The following UBE2H variants were observed in gnomAD, a reference collection of about 807,000 sequenced individuals.
UBE2H encodes the protein ubiquitin-conjugating enzyme E2 H.
A neutral mutation model predicts 29.0 loss-of-function variants in UBE2H; 3 were observed. That is an observed-to-expected ratio of 0.10 (90% CI 0.05 to 0.27). The LOEUF is 0.27. Ranked by LOEUF, UBE2H falls within the 10% of genes least tolerant of loss-of-function variation. The pLI, the probability that UBE2H is intolerant of heterozygous loss-of-function variation, is 1.00. For synonymous variants in UBE2H, 69 were observed against 82.9 expected, an observed-to-expected ratio of 0.83 and a Z score of 0.91; for missense variants, 68 against 228.2, an observed-to-expected ratio of 0.30 and a Z score of 4.52.
At chr7:129,942,542 A>C (rs1807669177) in intron 1 of UBE2H, among the ~76,000 whole-genome samples, 1 of 152,156 alleles carries the variant, frequency 6.6e-6, no homozygotes, top group Non-Finnish European at 1.5e-5. Flanking sequence ...CCTAACTCTT[A>C]TAGTCTGTTT....
chr7:129,935,315 A>C (rs1014280532), intron 1 of UBE2H, among the ~76,000 whole-genome samples: 13 of 150,452 alleles, frequency 8.6e-5, no homozygotes, highest in African/African-American at 3.2e-4. Context: ...CAGGAGGCTG[A>C]GGCAGGAGAA....
At chr7:129,949,278 C>T (rs1807828199) in intron 1 of UBE2H, among the ~76,000 whole-genome samples, 1 of 152,204 alleles carries the variant, frequency 6.6e-6, no homozygotes, top group South Asian at 2.1e-4. Context: ...AGCTCTCAGA[C>T]AATCTAAATA....
chr7:129,836,988 G>C (rs919613439), intron 6 of UBE2H, among the ~76,000 whole-genome samples: 2 of 151,414 alleles, frequency 1.3e-5, no homozygotes, highest in African/African-American at 4.9e-5. Context: ...ACCCAGCAAA[G>C]GGTTTTGAGC....
chr7:129,903,943 T>C (rs1382447089), intron 1 of UBE2H, among the ~76,000 whole-genome samples: 1 of 152,218 alleles, frequency 6.6e-6, no homozygotes, highest in Non-Finnish European at 1.5e-5. Flanking sequence ...TCAATCGTTA[T>C]TTTTTGAGTA....
chr7:129,897,992 T>C (rs965077707), intron 1 of UBE2H, among the ~76,000 whole-genome samples: 12 of 152,090 alleles, frequency 7.9e-5, no homozygotes, highest in African/African-American at 1.4e-4. Context: ...TAAAAAACTT[T>C]CAACAAAAAC....
In UBE2H at chr7:129,844,382, C is replaced by A. The variant is rs145192712; in HGVS notation, c.299-5047G>T. ...AAAGTCTTCTTTCAAGATAAATACA[C>A]TGGCAGAGAAGACTAAAACTATAAA... On this transcript the variant is annotated intron_variant, in intron 5 of 6. Transcript: ENST00000355621. Among the ~76,000 whole-genome samples, 1,323 of 152,314 alleles carry A rather than the reference C, an allele frequency of 8.7e-3. 11 individuals are homozygous for A. Among genetic ancestry groups the A allele is most frequent in the Non-Finnish European group, 0.014 (981 of 68,034 alleles).
intron 1 of UBE2H, among the ~76,000 whole-genome samples, chr7:129,890,991 C>T (rs1194175112): frequency 6.6e-6 from 1 of 151,656 alleles, no homozygotes; most frequent in East Asian, 2.0e-4. Flanking sequence ...AACAAATTAG[C>T]TGGGCGTGGT....
intron 6 of UBE2H, among the ~76,000 whole-genome samples, chr7:129,837,859 G>A (rs535998701): frequency 1.6e-4 from 25 of 152,168 alleles, no homozygotes; most frequent in Non-Finnish European, 2.6e-4. Flanking sequence ...CTAGGGGTCC[G>A]TACGCTGGAG....
At chr7:129,884,648 A>T (rs942940077) in intron 1 of UBE2H, among the ~76,000 whole-genome samples, 1 of 149,202 alleles carries the variant, frequency 6.7e-6, no homozygotes, top group South Asian at 2.1e-4. Context: ...GCTACAGTGC[A>T]GTAGCATGAT....
chr7:129,895,696 C>G (rs1278499722), intron 1 of UBE2H, among the ~76,000 whole-genome samples: 1 of 151,930 alleles, frequency 6.6e-6, no homozygotes, highest in African/African-American at 2.4e-5. Flanking sequence ...GTCAGGAGAT[C>G]GAGACCATCC....
rs1204642598 is a variant in UBE2H at position 129,834,772 on chromosome 7, A to C, written c.*165T>G. On this transcript the variant is annotated 3_prime_UTR_variant, in exon 7 of 7. Transcript: ENST00000355621. ...ACCTCAGGTTGAGAAATGACCAAGA[A>C]ATCAAGATCTAAAGGGTGATATATA... The C allele has an allele frequency of 1.2e-6, 1 of 828,714 alleles. No homozygotes were observed. 51.3% of individuals were successfully genotyped at this position (828,714 alleles called of 1,614,324 possible).
chr7:129,845,746 TA>T (rs1350189560), intron 5 of UBE2H, among the ~76,000 whole-genome samples: 1 of 152,242 alleles, frequency 6.6e-6, no homozygotes, highest in African/African-American at 2.4e-5. Context: ...ATGAAAAATC[TA>T]AAAGACCACA....
intron 3 of UBE2H, among the ~76,000 whole-genome samples, chr7:129,860,324 A>C (rs1005955998): frequency 6.6e-6 from 1 of 152,230 alleles, no homozygotes; most frequent in African/African-American, 2.4e-5. Flanking sequence ...GTGATGTTTA[A>C]GTTACTCTGA....
intron 1 of UBE2H, among the ~76,000 whole-genome samples, chr7:129,950,616 C>G (rs1403919343): frequency 6.6e-6 from 1 of 152,194 alleles, no homozygotes. Flanking sequence ...TGACAACGAT[C>G]ACAAACAGCT....
intron 1 of UBE2H, among the ~76,000 whole-genome samples, chr7:129,896,489 C>T (rs930439830): frequency 1.2e-4 from 18 of 152,216 alleles, no homozygotes; most frequent in African/African-American, 4.3e-4. Flanking sequence ...ACGGCAGCCT[C>T]GACCCTCCCA....
intron 1 of UBE2H, among the ~76,000 whole-genome samples, chr7:129,943,538 C>T (rs1335352462): frequency 2.0e-5 from 3 of 152,108 alleles, no homozygotes; most frequent in East Asian, 1.9e-4. Flanking sequence ...GAGTTGAAAT[C>T]GCACCACTGC....
intron 5 of UBE2H, among the ~76,000 whole-genome samples, chr7:129,849,860 T>C (rs1003740120): frequency 6.6e-6 from 1 of 152,202 alleles, no homozygotes; most frequent in African/African-American, 2.4e-5. Flanking sequence ...GAGGGTCTCA[T>C]GTGTGGAGAA....
chr7:129,841,081 C>T (rs1805420640), intron 5 of UBE2H, among the ~76,000 whole-genome samples: 1 of 152,200 alleles, frequency 6.6e-6, no homozygotes, highest in Admixed American at 6.5e-5. Flanking sequence ...AAAATGTCAG[C>T]AGTGCTGAGG....
chr7:129,841,901 C>T (rs1805436083), intron 5 of UBE2H, among the ~76,000 whole-genome samples: 1 of 152,104 alleles, frequency 6.6e-6, no homozygotes, highest in East Asian at 1.9e-4. Context: ...AATGTTTTAT[C>T]TACAATTTTT....
Sources: gnomAD v4.1 joint callset for allele counts (sites outside exome capture counted in the v4.1 genomes callset) on GRCh38, gnomAD v4.1.1 for gene constraint, MANE v1.5 for transcripts, NCBI Gene and HGNC (gene_info 2026-07-23, HGNC 2026-07-21) for gene names.